Variants in POFUT3 observed in about 807,000 individuals in gnomAD.
POFUT3 encodes the protein GDP-fucose protein O-fucosyltransferase 3.
chr8:33,449,940 T>TC, the POFUT3 span, among the ~76,000 whole-genome samples: 1 of 146,466 alleles, frequency 6.8e-6, no homozygotes, highest in Non-Finnish European at 1.5e-5. Context: ...CTTTTCTTTT[T>TC]TTTTTTTTTT....
the POFUT3 span, among the ~76,000 whole-genome samples, chr8:33,379,157 G>T: frequency 6.6e-6 from 1 of 152,006 alleles, no homozygotes; most frequent in East Asian, 1.9e-4. Context: ...CGCCATGATT[G>T]TAAGTTTCCC....
chr8:33,379,080 C>G, the POFUT3 span, among the ~76,000 whole-genome samples: 1 of 152,014 alleles, frequency 6.6e-6, no homozygotes, highest in Non-Finnish European at 1.5e-5. Flanking sequence ...CTCTCTCTCT[C>G]CCTCTCTCCC....
chr8:33,359,385 T>C, the POFUT3 span, among the ~76,000 whole-genome samples: 1 of 152,232 alleles, frequency 6.6e-6, no homozygotes, highest in Non-Finnish European at 1.5e-5. Context: ...CTTCCTATAA[T>C]TGACTTTTAA....
At chr8:33,436,638 G>C in the POFUT3 span, 136 of 873,772 alleles carry the variant, frequency 1.6e-4, 3 homozygotes, top group Admixed American at 2.3e-3. Flanking sequence ...ACTGCTAGAA[G>C]AGTGAGCGAA....
the POFUT3 span, among the ~76,000 whole-genome samples, chr8:33,465,166 A>T: frequency 1.4e-3 from 220 of 152,302 alleles, no homozygotes; most frequent in African/African-American, 4.7e-3. Flanking sequence ...TAATGTGCAG[A>T]AGCAATTTAT....
the POFUT3 span, among the ~76,000 whole-genome samples, chr8:33,343,655 T>C: frequency 6.6e-6 from 1 of 152,252 alleles, no homozygotes; most frequent in African/African-American, 2.4e-5. Flanking sequence ...TGACTAGGTA[T>C]TTCAAGTCAG....
the POFUT3 span, among the ~76,000 whole-genome samples, chr8:33,457,603 G>C: frequency 6.6e-6 from 1 of 151,776 alleles, no homozygotes; most frequent in Non-Finnish European, 1.5e-5. Context: ...TAATTTTATT[G>C]GGTATAATAG....
chr8:33,363,268 C>A, the POFUT3 span, among the ~76,000 whole-genome samples: 1 of 152,168 alleles, frequency 6.6e-6, no homozygotes, highest in Non-Finnish European at 1.5e-5. Flanking sequence ...ACATTTAAAG[C>A]AGTGTGTAGA....
the POFUT3 span, among the ~76,000 whole-genome samples, chr8:33,431,611 T>C: frequency 3.6e-5 from 5 of 139,810 alleles, no homozygotes; most frequent in Non-Finnish European, 7.6e-5. Context: ...CATAATTCCT[T>C]TGAAGGAATC....
the POFUT3 span, among the ~76,000 whole-genome samples, chr8:33,384,366 A>G: frequency 6.6e-6 from 1 of 152,230 alleles, no homozygotes; most frequent in Non-Finnish European, 1.5e-5. Flanking sequence ...CTTGAGGAGA[A>G]TATCTAGTCT....
the POFUT3 span, among the ~76,000 whole-genome samples, chr8:33,359,061 T>C: frequency 6.6e-6 from 1 of 152,144 alleles, no homozygotes; most frequent in Non-Finnish European, 1.5e-5. Context: ...GCAGCCTGAA[T>C]GAACTAAGAC....
At chr8:33,375,885 C>T in the POFUT3 span, among the ~76,000 whole-genome samples, 15 of 151,776 alleles carry the variant, frequency 9.9e-5, no homozygotes, top group East Asian at 1.9e-4. Context: ...GGTGTGGTGG[C>T]GCGTGCCTGT....
chr8:33,309,377 T>TGTGTGTGTGTGTG, the POFUT3 span, among the ~76,000 whole-genome samples: 3,356 of 146,112 alleles, frequency 0.023, 120 homozygotes, highest in African/African-American at 0.072. Flanking sequence ...GTGTGTGTGT[T>TGTGTGTGTGTGTG]TTTCTCCCCT....
At chr8:33,325,991 G>A in the POFUT3 span, among the ~76,000 whole-genome samples, 2 of 152,182 alleles carry the variant, frequency 1.3e-5, no homozygotes, top group Non-Finnish European at 2.9e-5. Flanking sequence ...CACAGCTGCT[G>A]CTTCTCCACC....
chr8:33,318,577 T>C, the POFUT3 span, among the ~76,000 whole-genome samples: 1 of 89,444 alleles, frequency 1.1e-5, no homozygotes, highest in Non-Finnish European at 1.9e-5. Context: ...TATATAAATA[T>C]ATTGTATATA....
chr8:33,329,216 A>G, the POFUT3 span, among the ~76,000 whole-genome samples: 1 of 152,216 alleles, frequency 6.6e-6, no homozygotes, highest in Non-Finnish European at 1.5e-5. Flanking sequence ...CATGAAAAAT[A>G]TTTAGAAATA....
chr8:33,453,464 G>A, the POFUT3 span: 1 of 1,613,536 alleles, frequency 6.2e-7, no homozygotes, highest in Non-Finnish European at 8.5e-7. Context: ...TTGCAAACTG[G>A]AACTTTTAAA....
chr8:33,343,523 A>G, the POFUT3 span, among the ~76,000 whole-genome samples: 1 of 152,102 alleles, frequency 6.6e-6, no homozygotes, highest in Non-Finnish European at 1.5e-5. Flanking sequence ...CAAAAGAGAT[A>G]TTAGCAATTA....
At chr8:33,422,206 A>G in the POFUT3 span, among the ~76,000 whole-genome samples, 3 of 151,040 alleles carry the variant, frequency 2.0e-5, no homozygotes, top group African/African-American at 4.9e-5. Flanking sequence ...TTGCTACTAG[A>G]TAACAGAGGA....
Sources: allele counts gnomAD v4.1 joint callset (sites outside exome capture counted in the v4.1 genomes callset), GRCh38; gene constraint gnomAD v4.1.1; transcripts MANE v1.5; gene names NCBI Gene and HGNC (gene_info 2026-07-23, HGNC 2026-07-21).